TGM5: variants seen among roughly 807,000 people sequenced by gnomAD.
TGM5 encodes transglutaminase 5, also known as protein-glutamine gamma-glutamyltransferase 5.
In TGM5, 69 loss-of-function variants were observed where a neutral mutation model predicts 77.2. That is an observed-to-expected ratio of 0.89 (90% CI 0.74 to 1.09). TGM5 has a LOEUF of 1.09. Ranked by LOEUF, TGM5 falls within the 50% of genes least tolerant of loss-of-function variation. The pLI is 0.00. For missense variants in TGM5, 842 were observed against 896.5 expected, an observed-to-expected ratio of 0.94 and a Z score of 0.78; for synonymous variants, 346 against 351.8, an observed-to-expected ratio of 0.98 and a Z score of 0.18.
intron 5 of TGM5, 45 bp downstream of exon 5, chr15:43,253,461 C>T (rs748241010): frequency 8.7e-6 from 14 of 1,604,582 alleles, no homozygotes; most frequent in Non-Finnish European, 1.2e-5. Flanking sequence ...GGCAGGGCTC[C>T]CGCTGCACAG....
At position 43,260,112 on chromosome 15, in the gene TGM5, C is replaced by T; in HGVS notation, c.376G>A (p.Gly126Arg). ...CCTAGCTGGTAGGCCGTCACAGACC[C>T]CTGGAAGGAGTCGATGTGGATTTTC... ...LLKIHIDSFQ[G>R]SVTAYQLGEF... The change falls in exon 3 of 13, where the codon GGG becomes AGG. Residue 126 changes from glycine (G) to arginine (R), a missense_variant. Gly to Arg is a moderately radical substitution (Grantham distance 125, BLOSUM62 -2). Around this residue, in one of 2 missense-constraint regions of TGM5, gnomAD observed 815 missense variants for 844.6 expected, o/e 0.96. Coordinates refer to ENST00000220420, the MANE Select transcript of TGM5 (RefSeq NM_201631.4). The T allele has an allele frequency of 6.2e-7, 1 of 1,614,142 alleles. No homozygotes were observed. The highest frequency in any genetic ancestry group is 8.5e-7 in the Non-Finnish European group (1 of 1,180,026).
At chr15:43,245,901 G>GT (rs1447485320) in intron 6 of TGM5, among the ~76,000 whole-genome samples, 1 of 125,320 alleles carries the variant, frequency 8.0e-6, no homozygotes, top group Non-Finnish European at 1.7e-5. Context: ...GTGTGTGTTG[G>GT]GGGGGGGGGT....
chr15:43,250,446 C>G (rs2042696307), intron 6 of TGM5, among the ~76,000 whole-genome samples: 1 of 152,182 alleles, frequency 6.6e-6, no homozygotes, highest in South Asian at 2.1e-4. Flanking sequence ...GGTATGCAAC[C>G]TCACGCATCT....
chr15:43,239,269 G>A lies in TGM5; in HGVS notation c.1002-3C>T, dbSNP rs1489286472. ...ACTCATTCCAGACATGGAAGTTCCT[G>A]TGTCAAACAGAGCCAAGGGAGACGT... On this transcript the variant is annotated splice_region_variant and splice_polypyrimidine_tract_variant and intron_variant, in intron 7 of 12. Transcript: ENST00000220420. 2 of 1,613,990 alleles carry A rather than the reference G, an allele frequency of 1.2e-6. No individual in the cohort carries two copies. The highest frequency in any genetic ancestry group is 2.2e-5 in the East Asian group (1 of 44,892).
chr15:43,260,817 ATCT>A (rs572936885), intron 1 of TGM5: 128 of 598,756 alleles, frequency 2.1e-4, no homozygotes, highest in South Asian at 1.0e-3. Context: ...CTGACCCTCT[ATCT>A]TCTTCTCCCT....
chr15:43,260,058 ACCAG>A lies in TGM5; in HGVS notation c.426_429del (p.Trp143AlafsTer19), dbSNP rs781636358. On this transcript the variant is annotated frameshift_variant, in exon 3 of 13. Transcript: ENST00000220420. LOFTEE classifies it high-confidence loss of function. Reference sequence around the variant, plus strand: ...CCTGGGCACCCAGCCTTACCTGGGCACCAGGGATTGAAAAGCAGGATGAACTCCC... The same window carrying A: ...CCTGGGCACCCAGCCTTACCTGGGCAGGATTGAAAAGCAGGATGAACTCCC... 7 of 1,613,740 alleles carry A rather than the reference ACCAG, an allele frequency of 4.3e-6. No homozygotes were observed. In the South Asian group the frequency reaches 7.7e-5, roughly 18 times the overall value.
Position 43,260,244 on chromosome 15 carries a change from G to T in TGM5, c.244C>A (p.His82Asn), listed in dbSNP as rs1391677582. ...GCAATCCAGGGGCTGGGGCTGTGAT[G>T]GCGTGCCAGGCTGAACACAGCCCGA... ...GTRAVFSLAR[H>N]HSPSPWIAWL... Residue 82 changes from histidine to asparagine, a missense_variant, in exon 3 of 13, where the codon CAT becomes AAT. Coordinates refer to ENST00000220420, the MANE Select transcript of TGM5 (RefSeq NM_201631.4). The T allele has an allele frequency of 3.1e-6, 5 of 1,613,802 alleles. No homozygotes were observed. Among genetic ancestry groups the T allele is most frequent in the Non-Finnish European group, 4.2e-6 (5 of 1,180,028 alleles).
At position 43,260,569 on chromosome 15, in the gene TGM5, C is replaced by T. The variant is rs1160317669; in HGVS notation, c.21G>A (p.Val7=). 1.2e-6 allele frequency: 2 copies of T among 1,614,050 alleles called. No homozygotes were observed. The highest frequency in any genetic ancestry group is 1.7e-5 in the Admixed American group (1 of 60,020). MAQGLE[V]ALTDLQSSRN... ...TGGAGCTCTGGAGGTCTGTGAGGGC[C>T]ACTTCTAGCCCTGCAATGGGGCAGC... Residue 7 remains valine (V), a synonymous_variant, in exon 2 of 13, where the codon GTG becomes GTA. Coordinates refer to ENST00000220420, the MANE Select transcript of TGM5 (RefSeq NM_201631.4).
intron 4 of TGM5, among the ~76,000 whole-genome samples, chr15:43,255,335 A>G (rs913773069): frequency 1.3e-5 from 2 of 152,126 alleles, no homozygotes; most frequent in African/African-American, 4.8e-5. Context: ...CCATGTCTCA[A>G]AAACAAAAAG....
At chr15:43,259,453 A>T (rs978980239) in intron 3 of TGM5, among the ~76,000 whole-genome samples, 16 of 142,032 alleles carry the variant, frequency 1.1e-4, no homozygotes, top group Non-Finnish European at 2.2e-4. Flanking sequence ...TTGTTAAATT[A>T]AAAAAAAAAA....
chr15:43,263,685 CAT>C (rs1164733994), intron 1 of TGM5, among the ~76,000 whole-genome samples: 4 of 152,188 alleles, frequency 2.6e-5, no homozygotes, highest in Non-Finnish European at 5.9e-5. Flanking sequence ...AAGACCTAAA[CAT>C]AAAAGCTAAA....
intron 3 of TGM5, among the ~76,000 whole-genome samples, chr15:43,258,153 C>A (rs1406780922): frequency 6.6e-6 from 1 of 151,550 alleles, no homozygotes; most frequent in Non-Finnish European, 1.5e-5. Flanking sequence ...GGGTGCAGCA[C>A]ACCAACATGG....
chr15:43,260,011 CAGA>C (rs2042772611), intron 3 of TGM5, 38 bp downstream of exon 3: 1 of 1,611,666 alleles, frequency 6.2e-7, no homozygotes, highest in Non-Finnish European at 8.5e-7. Flanking sequence ...GCAGCACTGA[CAGA>C]AGAGAAAGGA....
intron 7 of TGM5, 133 bp downstream of exon 7, chr15:43,240,719 G>A: frequency 8.9e-7 from 1 of 1,122,482 alleles, no homozygotes; most frequent in African/African-American, 1.5e-5. Flanking sequence ...GGGGTGGGTG[G>A]GGGAGGGTGA....
At chr15:43,237,006 T>C (rs2042595437) in intron 9 of TGM5, among the ~76,000 whole-genome samples, 1 of 143,490 alleles carries the variant, frequency 7.0e-6, no homozygotes, top group Non-Finnish European at 1.5e-5. Context: ...CCCAGGAAGA[T>C]GGGAATCTGA....
intron 11 of TGM5, 98 bp from the exon 12 acceptor site, chr15:43,233,785 C>A: frequency 7.1e-7 from 1 of 1,411,456 alleles, no homozygotes; most frequent in African/African-American, 1.4e-5. Flanking sequence ...GGATATGCCA[C>A]CTCCAAATAT....
intron 3 of TGM5, among the ~76,000 whole-genome samples, chr15:43,259,133 G>A (rs970210586): frequency 6.6e-6 from 1 of 152,064 alleles, no homozygotes; most frequent in South Asian, 2.1e-4. Flanking sequence ...CCAGACTTGG[G>A]AGTCTGGCCT....
At position 43,252,910 on chromosome 15, in the gene TGM5, C is replaced by A; in HGVS notation, c.711G>T (p.Val237=). 2 of 1,613,640 alleles carry A rather than the reference C, an allele frequency of 1.2e-6. No homozygotes were observed. The highest frequency in any genetic ancestry group is 1.7e-6 in the Non-Finnish European group (2 of 1,180,038). The change falls in exon 6 of 13, where the codon GTG becomes GTT. Residue 237 remains valine, a synonymous_variant. Transcript: ENST00000220420. ...AATTCTCACTCCAGTTTCCATTGAG[C>A]ACCCCATTATCATCATTGCTGTTGA... ...AMINSNDDNG[V]LNGNWSENYT...
At position 43,233,255 on chromosome 15, in the gene TGM5, A is replaced by G; in HGVS notation, c.2099T>C (p.Met700Thr). ...KSGQRQIQAN[M>T]RSNKFKDIKG... ...AATGTCCTTAAACTTGTTGCTTCTC[A>G]TATTAGCTTGGATCTGCCTTTGTCC... Residue 700 changes from methionine (M) to threonine (T), a missense_variant, in exon 13 of 13, where the codon ATG (methionine) becomes ACG (threonine). Met to Thr is a moderately conservative substitution (Grantham distance 81). Around this residue, in one of 2 missense-constraint regions of TGM5, gnomAD observed 27 missense variants for 51.8 expected, o/e 0.52. Transcript: ENST00000220420. 6.2e-7 allele frequency: 1 copy of G among 1,613,998 alleles called. No homozygotes were observed. Among genetic ancestry groups the G allele is most frequent in the South Asian group, 1.1e-5 (1 of 91,086 alleles).
Sources: gnomAD v4.1 joint callset for allele counts (sites outside exome capture counted in the v4.1 genomes callset) on GRCh38, gnomAD v4.1.1 for gene constraint, gnomAD v4.1.1 regional missense constraint, MANE v1.5 for transcripts, NCBI Gene and HGNC (gene_info 2026-07-23, HGNC 2026-07-21) for gene names.